CD86: variants seen among roughly 807,000 people sequenced by gnomAD.
The protein encoded by CD86 is T-lymphocyte activation antigen CD86.
In CD86, 11 loss-of-function variants were observed where a neutral mutation model predicts 32.1. The ratio of observed to expected loss-of-function variants is 0.34; its 90% CI spans 0.22 to 0.57. The LOEUF is 0.57. Among genes scored for constraint, CD86 ranks in the 20% least tolerant of loss-of-function variants. The pLI is 0.86. For missense variants in CD86, 359 were observed against 398.4 expected, an observed-to-expected ratio of 0.90 and a Z score of 0.84; for synonymous variants, 137 against 135.3, an observed-to-expected ratio of 1.01 and a Z score of -0.09.
chr3:122,094,821 A>G (rs1388693157), intron 2 of CD86, among the ~76,000 whole-genome samples: 2 of 152,182 alleles, frequency 1.3e-5, no homozygotes, highest in Non-Finnish European at 2.9e-5. Flanking sequence ...GGAGTTTAAG[A>G]CTGAAACGGG....
chr3:122,103,842 T>C lies in CD86; in HGVS notation c.395T>C (p.Val132Ala). The C allele has an allele frequency of 6.2e-7, 1 of 1,611,534 alleles. No homozygotes were observed. Among genetic ancestry groups the C allele is most frequent in the Non-Finnish European group, 8.5e-7 (1 of 1,178,072 alleles). ...RIHQMNSELSVLANFSQPEIV... is the reference protein window; with the variant it reads ...RIHQMNSELSALANFSQPEIV... Reference sequence around the variant, plus strand: ...CACCAGATGAATTCTGAACTGTCAGTGCTTGGTATGTGGTCAATGGTGTGT... The same window carrying C: ...CACCAGATGAATTCTGAACTGTCAGCGCTTGGTATGTGGTCAATGGTGTGT... Residue 132 changes from valine (V) to alanine (A), a missense_variant, in exon 3 of 7, where the codon GTG (valine) becomes GCG (alanine). By Grantham distance (64) the Val-to-Ala change is moderately conservative. Coordinates refer to ENST00000330540, the MANE Select transcript of CD86 (RefSeq NM_175862.5).
intron 5 of CD86, among the ~76,000 whole-genome samples, chr3:122,115,434 A>G (rs747071976): frequency 4.6e-5 from 7 of 152,230 alleles, no homozygotes; most frequent in Non-Finnish European, 5.9e-5. Context: ...CATTCTCTCC[A>G]AGTTGATCTA....
intron 5 of CD86, among the ~76,000 whole-genome samples, chr3:122,114,504 C>T (rs1206450074): frequency 6.6e-6 from 1 of 152,086 alleles, no homozygotes; most frequent in East Asian, 1.9e-4. Flanking sequence ...AGTTTGCTGC[C>T]TGGAGCCAGT....
intron 1 of CD86, among the ~76,000 whole-genome samples, chr3:122,070,926 G>A (rs984080976): frequency 2.6e-5 from 4 of 152,042 alleles, no homozygotes; most frequent in Admixed American, 6.5e-5. Flanking sequence ...CCAGAAATCC[G>A]TGTATGTGGT....
rs192625840 is a variant in CD86, at chr3:122,099,603, G to C, written c.65-3909G>C. On this transcript the variant is annotated intron_variant, in intron 2 of 6. Coordinates refer to ENST00000330540, the MANE Select transcript of CD86 (RefSeq NM_175862.5). The stretch of plus-strand genomic sequence containing the variant: ...AACAGATATGTAGACCAAAAGTAGA[G>C]TGTCCCCAGGGTAAATTTTATAGAG... Among the ~76,000 whole-genome samples the C allele has an allele frequency of 7.2e-3, 1,096 of 152,294 alleles. 7 individuals are homozygous for C. The highest frequency in any genetic ancestry group is 0.013 in the Non-Finnish European group (856 of 68,016).
chr3:122,091,863 C>T (rs1038017747), intron 2 of CD86: 6 of 553,126 alleles, frequency 1.1e-5, no homozygotes, highest in South Asian at 4.5e-5. Flanking sequence ...GCTCTCCCCC[C>T]CGTGTGCTTC....
intron 2 of CD86, among the ~76,000 whole-genome samples, chr3:122,099,143 A>G (rs2072956290): frequency 6.6e-6 from 1 of 152,250 alleles, no homozygotes; most frequent in Non-Finnish European, 1.5e-5. Flanking sequence ...CAAGGTTACC[A>G]AAATTAAAGA....
chr3:122,070,948 T>TG (rs1265146480), intron 1 of CD86, among the ~76,000 whole-genome samples: 1 of 151,502 alleles, frequency 6.6e-6, no homozygotes, highest in African/African-American at 2.4e-5. Flanking sequence ...AGCATGTGTG[T>TG]TTTTTTTTAA....
At chr3:122,101,513 A>T (rs9799128) in intron 2 of CD86, among the ~76,000 whole-genome samples, 3,486 of 42,078 alleles carry the variant, frequency 0.083, 61 homozygotes, top group East Asian at 0.17. Context: ...AAAAAAAAAA[A>T]ATATATATAT....
chr3:122,061,705 G>A (rs2072338672), intron 1 of CD86, among the ~76,000 whole-genome samples: 1 of 152,304 alleles, frequency 6.6e-6, no homozygotes, highest in South Asian at 2.1e-4. Context: ...ATGATGGCAG[G>A]ATGCGGAGAA....
intron 1 of CD86, among the ~76,000 whole-genome samples, chr3:122,089,978 T>C (rs1217495528): frequency 6.6e-6 from 1 of 152,280 alleles, no homozygotes; most frequent in East Asian, 1.9e-4. Context: ...AGAATATGGG[T>C]CAATGTTTTT....
intron 2 of CD86, 128 bp downstream of exon 2, chr3:122,091,778 A>G (rs1576773869): frequency 1.4e-6 from 1 of 737,356 alleles, no homozygotes; most frequent in Non-Finnish European, 2.4e-6. Flanking sequence ...ACAAGACCAC[A>G]TGCAAAAAAG....
intron 1 of CD86, among the ~76,000 whole-genome samples, chr3:122,076,199 T>C: frequency 6.6e-6 from 1 of 152,348 alleles, no homozygotes; most frequent in South Asian, 2.1e-4. Context: ...ACTATATAAA[T>C]AATGAAACAG....
At chr3:122,112,304 A>T (rs539988756) in intron 5 of CD86, among the ~76,000 whole-genome samples, 102 of 151,106 alleles carry the variant, frequency 6.8e-4, no homozygotes, top group South Asian at 2.9e-3. Context: ...AATTATTATT[A>T]TTTTTTTTTA....
chr3:122,057,033 A>T (rs2072248057), intron 1 of CD86, among the ~76,000 whole-genome samples: 1 of 151,372 alleles, frequency 6.6e-6, no homozygotes, highest in Non-Finnish European at 1.5e-5. Context: ...ACAAATTAAA[A>T]CAACAGTGAA....
chr3:122,074,356 A>G (rs957731649), intron 1 of CD86, among the ~76,000 whole-genome samples: 2 of 152,132 alleles, frequency 1.3e-5, no homozygotes, highest in African/African-American at 2.4e-5. Context: ...CATCTCTTCC[A>G]TGGGCTTTCA....
At chr3:122,099,427 G>A (rs2072961463) in intron 2 of CD86, among the ~76,000 whole-genome samples, 1 of 152,204 alleles carries the variant, frequency 6.6e-6, no homozygotes, top group African/African-American at 2.4e-5. Flanking sequence ...AAAAGCAGTA[G>A]CACAAGGTTT....
chr3:122,116,739 G>C (rs2073257228), intron 5 of CD86, among the ~76,000 whole-genome samples: 1 of 151,976 alleles, frequency 6.6e-6, no homozygotes, highest in African/African-American at 2.4e-5. Flanking sequence ...TAATACACAA[G>C]AACATAGATA....
At chr3:122,064,846 G>A (rs537550881) in intron 1 of CD86, among the ~76,000 whole-genome samples, 111 of 152,262 alleles carry the variant, frequency 7.3e-4, no homozygotes, top group African/African-American at 2.6e-3. Context: ...GAGTCAGAGC[G>A]AGAAAGTAGG....
Sources: allele counts gnomAD v4.1 joint callset (sites outside exome capture counted in the v4.1 genomes callset), GRCh38; gene constraint gnomAD v4.1.1; transcripts MANE v1.5; gene names NCBI Gene and HGNC (gene_info 2026-07-23, HGNC 2026-07-21).